Variants in SHANK2 observed in about 807,000 individuals in gnomAD.
The protein encoded by SHANK2 is SH3 and multiple ankyrin repeat domains protein 2.
SHANK2 carries 43 observed loss-of-function variants against 133.7 expected under a neutral mutation model. The ratio of observed to expected loss-of-function variants is 0.32; its 90% CI spans 0.25 to 0.41. The LOEUF (loss-of-function observed/expected upper bound fraction) is 0.41. Ranked by LOEUF, SHANK2 falls within the 10% of genes least tolerant of loss-of-function variation. The pLI is 1.00. For synonymous variants in SHANK2, 1,017 were observed against 952.8 expected, an observed-to-expected ratio of 1.07 and a Z score of -1.24; for missense variants, 1,994 against 2,235.8, an observed-to-expected ratio of 0.89 and a Z score of 2.18.
At chr11:71,064,546 T>G (rs1951023942) in intron 9 of SHANK2, among the ~76,000 whole-genome samples, 1 of 151,958 alleles carries the variant, frequency 6.6e-6, no homozygotes. Context: ...GATGAAGAAC[T>G]TGGGTGACAG....
intron 11 of SHANK2, among the ~76,000 whole-genome samples, chr11:70,867,524 A>G (rs1396856576): frequency 1.3e-5 from 2 of 152,236 alleles, no homozygotes; most frequent in African/African-American, 4.8e-5. Flanking sequence ...TGCCTGAGCC[A>G]GGGATGCCTT....
intron 15 of SHANK2, chr11:70,662,103 C>T (rs1199316089): frequency 4.7e-6 from 2 of 424,488 alleles, no homozygotes; most frequent in African/African-American, 2.0e-5. Context: ...CCGGCTTGTC[C>T]CGACCACACG....
chr11:70,731,005 T>A (rs1946278708), intron 14 of SHANK2, among the ~76,000 whole-genome samples: 1 of 152,144 alleles, frequency 6.6e-6, no homozygotes, highest in Non-Finnish European at 1.5e-5. Context: ...AAGCAGTCAC[T>A]CCATGTTATG....
chr11:70,578,879 G>C (rs1032840884), intron 17 of SHANK2, among the ~76,000 whole-genome samples: 1 of 152,130 alleles, frequency 6.6e-6, no homozygotes, highest in Non-Finnish European at 1.5e-5. Flanking sequence ...ACCATCTGCC[G>C]GGTCACTCTC....
chr11:70,600,995 G>C (rs1325124352), intron 17 of SHANK2, among the ~76,000 whole-genome samples: 1 of 150,296 alleles, frequency 6.7e-6, no homozygotes, highest in African/African-American at 2.5e-5. Flanking sequence ...GAAAAGACAA[G>C]CTAAAGATTA....
At chr11:70,938,238 G>T (rs1555083752) in intron 10 of SHANK2, among the ~76,000 whole-genome samples, 1 of 152,142 alleles carries the variant, frequency 6.6e-6, no homozygotes, top group Non-Finnish European at 1.5e-5. Context: ...TGTATGTGTG[G>T]GTGTGGTGGA....
At chr11:70,938,284 G>C (rs1950598033) in intron 10 of SHANK2, among the ~76,000 whole-genome samples, 1 of 152,158 alleles carries the variant, frequency 6.6e-6, no homozygotes, top group Non-Finnish European at 1.5e-5. Context: ...ACCCCTTTGA[G>C]CCTAGAGGAG....
chr11:71,119,529 G>A (rs533119538), intron 3 of SHANK2, among the ~76,000 whole-genome samples: 4 of 147,790 alleles, frequency 2.7e-5, no homozygotes, highest in East Asian at 4.0e-4. Flanking sequence ...GCACTGAGCC[G>A]AGATTGCACC....
chr11:70,615,736 C>T (rs1286064504), intron 17 of SHANK2, among the ~76,000 whole-genome samples: 1 of 152,228 alleles, frequency 6.6e-6, no homozygotes, highest in Admixed American at 6.5e-5. Context: ...ACCTGCTCCA[C>T]ACCTTGGGGC....
chr11:70,881,904 G>A (rs1949666469), intron 11 of SHANK2, among the ~76,000 whole-genome samples: 1 of 151,888 alleles, frequency 6.6e-6, no homozygotes, highest in East Asian at 1.9e-4. Context: ...TAGAGATAGG[G>A]TCTTGCTAAG....
At chr11:70,567,727 T>C (rs11236657) in intron 17 of SHANK2, among the ~76,000 whole-genome samples, 142,265 of 152,222 alleles carry the variant, frequency 0.93, 66,723 homozygotes, top group South Asian at 0.98. Context: ...CTACAAGCCA[T>C]GGAAGGAAGA....
Position 70,534,163 on chromosome 11 carries a change from G to A in SHANK2, c.2062-31232C>T, listed in dbSNP as rs2059514583. On this transcript the variant is annotated intron_variant, in intron 17 of 25. Transcript: ENST00000601538. ...AAGACTGGGTAATTTATAAAGGAAA[G>A]AGGTTTAATTGACTCACAGTTCTGC... is the stretch of plus-strand genomic sequence containing the variant. Among the ~76,000 whole-genome samples the A allele has an allele frequency of 2.0e-5, 3 of 152,236 alleles. No individual in the cohort carries two copies. In the South Asian group the frequency reaches 6.2e-4, roughly 32 times the overall value.
At chr11:70,707,422 G>A (rs1255326023) in intron 14 of SHANK2, among the ~76,000 whole-genome samples, 8 of 150,830 alleles carry the variant, frequency 5.3e-5, no homozygotes, top group Admixed American at 5.3e-4. Context: ...GAAGGTGAGA[G>A]GTGAGGACAG....
chr11:70,847,205 G>A (rs1321212549), intron 11 of SHANK2, among the ~76,000 whole-genome samples: 1 of 152,198 alleles, frequency 6.6e-6, no homozygotes, highest in African/African-American at 2.4e-5. Context: ...ACAGGTCTAC[G>A]TTCCAGGCCT....
chr11:71,249,125 G>A (rs1467548549), intron 1 of SHANK2, among the ~76,000 whole-genome samples: 1 of 152,120 alleles, frequency 6.6e-6, no homozygotes, highest in African/African-American at 2.4e-5. Context: ...TTAGCCCTGG[G>A]GGGCTGCAGG....
At chr11:70,795,372 GTTCTTTTCTTTTCTTTT>G (rs1947883833) in intron 14 of SHANK2, among the ~76,000 whole-genome samples, 1 of 150,546 alleles carries the variant, frequency 6.6e-6, no homozygotes, top group Non-Finnish European at 1.5e-5. Flanking sequence ...AATCACATGG[GTTCTTTTCTTTTCTTTT>G]TTCTTTTCTT....
rs782133338 is a variant in SHANK2 at position 70,691,546 on chromosome 11, T to C, written c.1853+7142A>G. Among the ~76,000 whole-genome samples the C allele has an allele frequency of 5.3e-5, 8 of 152,148 alleles. 1 individual carries two copies. The highest frequency in any genetic ancestry group is 1.2e-4 in the Non-Finnish European group (8 of 68,026). On this transcript the variant is annotated intron_variant, in intron 15 of 25. Transcript: ENST00000601538. ...CTTCCTTTGCCTATGCCCAGAGAAA[T>C]ACCTCTCTGTTTCAAAAAACTACAA...
intron 14 of SHANK2, among the ~76,000 whole-genome samples, chr11:70,766,180 T>C (rs899712875): frequency 4.6e-5 from 7 of 152,274 alleles, no homozygotes; most frequent in South Asian, 2.1e-4. Flanking sequence ...ATACAATGGC[T>C]GGAGTCTAAG....
chr11:70,602,353 T>C (rs1346015660), intron 17 of SHANK2, among the ~76,000 whole-genome samples: 1 of 152,242 alleles, frequency 6.6e-6, no homozygotes, highest in African/African-American at 2.4e-5. Context: ...CAGAGAGGTC[T>C]CGGCCTCCAC....
Sources: gnomAD v4.1 joint callset for allele counts (sites outside exome capture counted in the v4.1 genomes callset) on GRCh38, gnomAD v4.1.1 for gene constraint, MANE v1.5 for transcripts, NCBI Gene and HGNC (gene_info 2026-07-23, HGNC 2026-07-21) for gene names.